KAZN: variants seen among roughly 807,000 people sequenced by gnomAD.
The protein encoded by KAZN is kazrin, periplakin interacting protein.
Under a neutral mutation model 87.4 loss-of-function variants are expected in KAZN, and 40 were observed. That is an observed-to-expected ratio of 0.46 (90% CI 0.36 to 0.60). The LOEUF (loss-of-function observed/expected upper bound fraction) is 0.60. Among genes scored for constraint, KAZN ranks in the 20% least tolerant of loss-of-function variants. The pLI, the probability that KAZN is intolerant of heterozygous loss-of-function variation, is 0.00. For missense variants in KAZN, 898 were observed against 1,073.9 expected (o/e 0.84, Z 2.29); for synonymous variants, 466 against 458.3 (o/e 1.02, Z -0.22).
chr1:14,235,014 C>T (rs895413021), intron 2 of KAZN, among the ~76,000 whole-genome samples: 3 of 152,200 alleles, frequency 2.0e-5, no homozygotes, highest in Non-Finnish European at 4.4e-5. Flanking sequence ...TACTGTATGA[C>T]CCAGCAATTC....
At chr1:14,109,264 G>C (rs189810545) in intron 1 of KAZN, among the ~76,000 whole-genome samples, 2 of 152,196 alleles carry the variant, frequency 1.3e-5, no homozygotes, top group African/African-American at 2.4e-5. Context: ...AGGACAAAGA[G>C]TATTTGCACA....
chr1:14,052,035 C>A (rs1642362252), intron 1 of KAZN, among the ~76,000 whole-genome samples: 1 of 152,182 alleles, frequency 6.6e-6, no homozygotes, highest in South Asian at 2.1e-4. Flanking sequence ...AGCTGCTTCA[C>A]CGTGTGGTTT....
At chr1:14,950,413 G>GGAGAGGGGAGGCCAGGCTGGGCCT (rs1553161722) in intron 1 of KAZN, among the ~76,000 whole-genome samples, 1 of 152,208 alleles carries the variant, frequency 6.6e-6, no homozygotes, top group Non-Finnish European at 1.5e-5. Flanking sequence ...GGACCAGGCA[G>GGAGAGGGGAGGCCAGGCTGGGCCT]GAGAGGGGAG....
At position 14,622,103 on chromosome 1, in the gene KAZN, C is replaced by T. The variant is rs150034823; in HGVS notation, c.226+22880C>T. Among the ~76,000 whole-genome samples the T allele has an allele frequency of 5.8e-3, 880 of 152,310 alleles. 7 individuals carry two copies. The highest frequency in any genetic ancestry group is 0.02 in the African/African-American group (815 of 41,586). ...GAGGCCATTTTAGAAGAAAATTACA[C>T]AGATTCATTTCCTCCTTTACCTTGT... On this transcript the variant is annotated intron_variant, in intron 1 of 14. Coordinates refer to ENST00000376030, the MANE Select transcript of KAZN (RefSeq NM_201628.3).
At chr1:14,838,831 C>A (rs60853405) in intron 1 of KAZN, among the ~76,000 whole-genome samples, 30 of 152,104 alleles carry the variant, frequency 2.0e-4, no homozygotes, top group African/African-American at 6.5e-4. Flanking sequence ...TCTATTGGCC[C>A]GGCTGATCTT....
chr1:14,982,807 C>CT (rs900854863), intron 2 of KAZN, among the ~76,000 whole-genome samples: 2 of 152,192 alleles, frequency 1.3e-5, no homozygotes, highest in African/African-American at 4.8e-5. Context: ...GACCAGAGGC[C>CT]TAGTGCTGGA....
intron 1 of KAZN, among the ~76,000 whole-genome samples, chr1:14,076,230 G>A (rs539375135): frequency 1.3e-5 from 2 of 152,086 alleles, no homozygotes; most frequent in African/African-American, 2.4e-5. Context: ...GCGGTGAGCC[G>A]AGATCACGTC....
intron 1 of KAZN, among the ~76,000 whole-genome samples, chr1:14,615,457 G>C (rs181818802): frequency 6.6e-6 from 1 of 152,244 alleles, no homozygotes; most frequent in Non-Finnish European, 1.5e-5. Flanking sequence ...GCAAAACCCT[G>C]TCTCTACTAA....
Position 15,060,275 on chromosome 1 carries a change from TC to T in KAZN, c.1021del (p.Arg341AspfsTer28). On this transcript the variant is annotated frameshift_variant, in exon 6 of 15. Coordinates refer to ENST00000376030, the MANE Select transcript of KAZN (RefSeq NM_201628.3). LOFTEE classifies it high-confidence loss of function. ...SSTPSDINSP[R>X]HRTHSLCNGD... The stretch of plus-strand genomic sequence containing the variant: ...CCACACCGAGCGACATCAACTCCCC[TC>T]GACACCGGACACACTCCCTCTGCAA... The T allele has an allele frequency of 6.2e-7, 1 of 1,614,012 alleles. No individual in the cohort carries two copies. Among genetic ancestry groups the T allele is most frequent in the Non-Finnish European group, 8.5e-7 (1 of 1,179,978 alleles).
chr1:14,991,158 G>C (rs997279433), intron 2 of KAZN, among the ~76,000 whole-genome samples: 17 of 151,990 alleles, frequency 1.1e-4, no homozygotes, highest in Non-Finnish European at 1.5e-5. Context: ...TTCGAGACCA[G>C]CCTGGCCAAA....
At chr1:13,971,196 T>G (rs1642123495) in intron 1 of KAZN, among the ~76,000 whole-genome samples, 1 of 152,226 alleles carries the variant, frequency 6.6e-6, no homozygotes, top group Non-Finnish European at 1.5e-5. Context: ...AATTTGGATG[T>G]GTTCTTATGG....
At chr1:14,245,412 A>G (rs574206308) in intron 2 of KAZN, among the ~76,000 whole-genome samples, 1 of 152,236 alleles carries the variant, frequency 6.6e-6, no homozygotes, top group South Asian at 2.1e-4. Context: ...ATATCAATAA[A>G]TGGGGAGCTA....
At chr1:14,979,413 A>T (rs569655654) in intron 2 of KAZN, among the ~76,000 whole-genome samples, 37 of 151,972 alleles carry the variant, frequency 2.4e-4, no homozygotes, top group Non-Finnish European at 4.4e-4. Flanking sequence ...CCTCTCAAAA[A>T]AAATAAATAA....
At chr1:14,913,729 C>T (rs1657495456) in intron 1 of KAZN, among the ~76,000 whole-genome samples, 2 of 152,236 alleles carry the variant, frequency 1.3e-5, no homozygotes, top group Admixed American at 6.5e-5. Flanking sequence ...GTGGTGGGGG[C>T]CCTGTGTGCT....
chr1:14,496,230 T>G (rs1317471506), intron 2 of KAZN, among the ~76,000 whole-genome samples: 2 of 152,160 alleles, frequency 1.3e-5, no homozygotes, highest in Non-Finnish European at 2.9e-5. Context: ...TTATAAAAAA[T>G]CCCTGCTGTG....
chr1:14,053,819 TA>T (rs146656654), intron 1 of KAZN, among the ~76,000 whole-genome samples: 4,681 of 152,276 alleles, frequency 0.031, 131 homozygotes, highest in Non-Finnish European at 0.042. Flanking sequence ...TACCTACTAA[TA>T]GCTTTCTACT....
chr1:13,963,756 G>GGTGTGTGT (rs1185808187), intron 1 of KAZN, among the ~76,000 whole-genome samples: 9 of 117,038 alleles, frequency 7.7e-5, no homozygotes, highest in African/African-American at 2.2e-4. Flanking sequence ...TTTCTGCTGT[G>GGTGTGTGT]GTCTGTGTGT....
chr1:14,891,135 C>T (rs963383848), intron 1 of KAZN, among the ~76,000 whole-genome samples: 1 of 152,030 alleles, frequency 6.6e-6, no homozygotes, highest in Non-Finnish European at 1.5e-5. Context: ...TGAGCCACCG[C>T]GCCTGGCAGG....
intron 1 of KAZN, among the ~76,000 whole-genome samples, chr1:13,963,685 A>G (rs1641836367): frequency 6.6e-6 from 1 of 151,802 alleles, no homozygotes; most frequent in Non-Finnish European, 1.5e-5. Context: ...CATCTCCTCC[A>G]TGAAAAAACA....
Sources: gnomAD v4.1 joint callset for allele counts (sites outside exome capture counted in the v4.1 genomes callset) on GRCh38, gnomAD v4.1.1 for gene constraint, MANE v1.5 for transcripts, NCBI Gene and HGNC (gene_info 2026-07-23, HGNC 2026-07-21) for gene names.